Variants in RAB5C observed in about 807,000 individuals in gnomAD.
RAB5C encodes RAB5C, member RAS oncogene family, also known as ras-related protein Rab-5C.
In RAB5C, 4 loss-of-function variants were observed where a neutral mutation model predicts 25.2. The ratio of observed to expected loss-of-function variants is 0.16; its 90% CI spans 0.08 to 0.36. The LOEUF is 0.36. Among genes scored for constraint, RAB5C ranks in the 10% least tolerant of loss-of-function variants. The pLI is 1.00. For missense variants in RAB5C, 199 were observed against 283.8 expected (o/e 0.70, Z 2.15); for synonymous variants, 100 against 106.4 (o/e 0.94, Z 0.37).
intron 1 of RAB5C, among the ~76,000 whole-genome samples, chr17:42,138,716 C>G (rs2054562222): frequency 1.3e-5 from 2 of 152,186 alleles, no homozygotes; most frequent in South Asian, 4.1e-4. Context: ...AGTGCAGACA[C>G]CAACTCCACC....
intron 1 of RAB5C, among the ~76,000 whole-genome samples, chr17:42,153,273 G>C (rs1000874582): frequency 6.6e-6 from 1 of 152,004 alleles, no homozygotes; most frequent in African/African-American, 2.4e-5. Flanking sequence ...AAAATTAGCC[G>C]GGTGTGGTGG....
chr17:42,148,627 T>C (rs149235325), intron 1 of RAB5C, among the ~76,000 whole-genome samples: 4 of 152,276 alleles, frequency 2.6e-5, no homozygotes, highest in East Asian at 1.9e-4. Flanking sequence ...GAGATAGCAG[T>C]TGAGAAGACA....
intron 1 of RAB5C, chr17:42,131,636 G>C (rs555511307): frequency 6.5e-7 from 1 of 1,532,804 alleles, no homozygotes; most frequent in South Asian, 1.2e-5. Context: ...GGCAGAGATG[G>C]GGCGATGGAG....
chr17:42,154,671 G>A (rs1044666794), intron 1 of RAB5C: 1 of 152,246 alleles, frequency 6.6e-6, no homozygotes, highest in Non-Finnish European at 1.5e-5. Flanking sequence ...CAGGCCAGAG[G>A]ACAGTCATAG....
chr17:42,149,969 C>T (rs9889776), intron 1 of RAB5C, among the ~76,000 whole-genome samples: 10,673 of 150,472 alleles, frequency 0.071, 669 homozygotes, highest in East Asian at 0.4. Context: ...ACGTCCACCT[C>T]CCAGGTTGAA....
At chr17:42,145,066 G>A (rs905324730) in intron 1 of RAB5C, among the ~76,000 whole-genome samples, 5 of 138,326 alleles carry the variant, frequency 3.6e-5, no homozygotes, top group East Asian at 4.4e-4. Flanking sequence ...CCAGCTACTC[G>A]GGAGACTGAG....
chr17:42,136,511 T>C (rs1424377133), intron 1 of RAB5C: 1 of 152,228 alleles, frequency 6.6e-6, no homozygotes, highest in Non-Finnish European at 1.5e-5. Flanking sequence ...CACCGTTTAT[T>C]AGCCGTGTGA....
At chr17:42,131,893 A>T in intron 1 of RAB5C, 1 of 346,484 alleles carries the variant, frequency 2.9e-6, no homozygotes, top group Non-Finnish European at 5.4e-6. Context: ...ATATATACAG[A>T]ATGTTTTACA....
intron 5 of RAB5C, 124 bp downstream of exon 5, chr17:42,126,631 C>CA (rs71357528): frequency 0.079 from 6,640 of 84,366 alleles, 1,371 homozygotes; most frequent in African/African-American, 0.41. Context: ...GACTCCATCT[C>CA]AAAAAAAAAA....
Position 42,141,491 on chromosome 17 carries a change from G to C in RAB5C, c.-88-10901C>G, listed in dbSNP as rs1395200541. On this transcript the variant is annotated intron_variant, in intron 1 of 5. Transcript: ENST00000346213. ...GAGAGGTACCGCCCGCTTACACTTG[G>C]CAAGTGAACGGGGGAAGTTGAGGGC... is the stretch of plus-strand genomic sequence containing the variant. Among the ~76,000 whole-genome samples the C allele has an allele frequency of 2.0e-5, 3 of 152,196 alleles. No individual in the cohort carries two copies. In the East Asian group the frequency reaches 5.8e-4, roughly 29 times the overall value.
chr17:42,131,861 T>A (rs1240892132), intron 1 of RAB5C: 14 of 468,836 alleles, frequency 3.0e-5, no homozygotes, highest in Admixed American at 7.3e-5. Flanking sequence ...GACATATACA[T>A]CTGATGTCAA....
intron 1 of RAB5C, among the ~76,000 whole-genome samples, chr17:42,150,977 C>T (rs926395967): frequency 1.3e-5 from 2 of 152,188 alleles, no homozygotes; most frequent in Non-Finnish European, 2.9e-5. Flanking sequence ...TATTTAGCAT[C>T]CCCATTTTAC....
rs200964883 is a variant in RAB5C, at chr17:42,143,913, G to A, written c.-89+10980C>T. 1.1e-4 allele frequency among the ~76,000 whole-genome samples: 16 copies of A among 151,938 alleles called. No homozygotes were observed. The East Asian group carries it at 3.2e-3, about 30-fold the overall frequency. ...CCATTCTCCTGCCTCAGCCACCAGAGTAGCTAGGATTACAAGCGTGCACCA... is the reference window on the plus strand; with the variant it reads ...CCATTCTCCTGCCTCAGCCACCAGAATAGCTAGGATTACAAGCGTGCACCA... On this transcript the variant is annotated intron_variant, in intron 1 of 5. Coordinates refer to ENST00000346213, the MANE Select transcript of RAB5C (RefSeq NM_004583.4).
intron 1 of RAB5C, among the ~76,000 whole-genome samples, chr17:42,131,288 C>G (rs1386287303): frequency 6.6e-6 from 1 of 152,192 alleles, no homozygotes; most frequent in Non-Finnish European, 1.5e-5. Flanking sequence ...GATCCTTCTT[C>G]CCTAGTTCTC....
rs1429901915 is a variant in RAB5C at position 42,125,681 on chromosome 17, C to T, written c.*102G>A. ...ATCATGGTGGACCCCTCCCCCTGCC[C>T]CCCCAGTGGTGGCCCGAGTCGTTAA... On this transcript the variant is annotated 3_prime_UTR_variant, in exon 6 of 6. Transcript: ENST00000346213. 10 of 758,658 alleles carry T rather than the reference C, an allele frequency of 1.3e-5. No individual in the cohort carries two copies. Among genetic ancestry groups the T allele is most frequent in the Non-Finnish European group, 1.9e-5 (9 of 463,852 alleles). 47.0% of individuals were successfully genotyped at this position (758,658 alleles called of 1,614,324 possible). A position where few individuals can be genotyped will look rare whatever the true frequency, so the allele number is the denominator to read the frequency against.
At chr17:42,133,205 T>A (rs2054503652) in intron 1 of RAB5C, among the ~76,000 whole-genome samples, 2 of 152,138 alleles carry the variant, frequency 1.3e-5, no homozygotes, top group South Asian at 2.1e-4. Context: ...TTACCATGAA[T>A]CCACGTGACA....
In RAB5C at chr17:42,128,396, G is replaced by A; in HGVS notation, c.319-13C>T. ...GTGCAAATGTATCCTGAGGAGACAG[G>A]GACAGAATGTCGAAGGGACAGAGAA... On this transcript the variant is annotated splice_polypyrimidine_tract_variant and intron_variant, in intron 3 of 5. Coordinates refer to ENST00000346213, the MANE Select transcript of RAB5C (RefSeq NM_004583.4). The A allele has an allele frequency of 1.2e-6, 2 of 1,609,066 alleles. No homozygotes were observed. Among genetic ancestry groups the A allele is most frequent in the East Asian group, 4.5e-5 (2 of 44,580 alleles).
Position 42,154,141 on chromosome 17 carries a change from G to A in RAB5C, c.-89+752C>T, listed in dbSNP as rs376299646. On this transcript the variant is annotated intron_variant, in intron 1 of 5. Transcript: ENST00000346213. Reference sequence around the variant, plus strand: ...GGACAGAGCTGAGCCTGGAGCAAGGGGGGAGGGGAAAGAAGATAATGAATG... The same window carrying A: ...GGACAGAGCTGAGCCTGGAGCAAGGAGGGAGGGGAAAGAAGATAATGAATG... Among the ~76,000 whole-genome samples the A allele has an allele frequency of 2.4e-4, 37 of 152,302 alleles. 1 individual carries two copies. The East Asian group carries it at 5.2e-3, about 21-fold the overall frequency.
At chr17:42,136,169 A>G (rs2054534599) in intron 1 of RAB5C, 1 of 152,256 alleles carries the variant, frequency 6.6e-6, no homozygotes. Context: ...AACTCGGTTC[A>G]AAGGCTAAAG....
Sources: allele counts gnomAD v4.1 joint callset (sites outside exome capture counted in the v4.1 genomes callset), GRCh38; gene constraint gnomAD v4.1.1; transcripts MANE v1.5; gene names NCBI Gene and HGNC (gene_info 2026-07-23, HGNC 2026-07-21).